Variants in PTPRN observed in about 807,000 individuals in gnomAD.
PTPRN encodes the protein receptor-type tyrosine-protein phosphatase-like N.
PTPRN carries 70 observed loss-of-function variants against 108.5 expected under a neutral mutation model. The observed-to-expected ratio is 0.65, with a 90% CI of 0.53 to 0.79. The LOEUF (loss-of-function observed/expected upper bound fraction) is 0.79. Among genes scored for constraint, PTPRN ranks in the 30% least tolerant of loss-of-function variants. The pLI, the probability that PTPRN is intolerant of heterozygous loss-of-function variation, is 0.00. For missense variants in PTPRN, 1,136 were observed against 1,295.5 expected (o/e 0.88, Z 1.89); for synonymous variants, 496 against 524.6 (o/e 0.95, Z 0.75).
intron 1 of PTPRN, chr2:219,309,016 C>A: frequency 6.5e-7 from 1 of 1,531,734 alleles, no homozygotes; most frequent in Non-Finnish European, 8.8e-7. Context: ...TTAGGTCCCG[C>A]CCCCGTATTC....
At position 219,290,998 on chromosome 2, in the gene PTPRN, A is replaced by G; in HGVS notation, c.2730-108T>C. Reference sequence around the variant, plus strand: ...CTGGGGGAGGGGAGGACACTGGGTGACCCGTTGGGGTTGGCTTGGAGAGGG... The same window carrying G: ...CTGGGGGAGGGGAGGACACTGGGTGGCCCGTTGGGGTTGGCTTGGAGAGGG... On this transcript the variant is annotated intron_variant, in intron 20 of 22. Transcript: ENST00000295718. This position sits in a 1 kb window ranked among gnomAD's most constrained non-coding sequence, Gnocchi z 4.2. 1.8e-6 allele frequency: 2 copies of G among 1,106,286 alleles called. No individual in the cohort carries two copies. The highest frequency in any genetic ancestry group is 2.7e-6 in the Non-Finnish European group (2 of 728,178). 68.5% of individuals were successfully genotyped at this position (1,106,286 alleles called of 1,614,324 possible).
At chr2:219,307,172 A>C (rs773352988) in intron 3 of PTPRN, 1 of 361,658 alleles carries the variant, frequency 2.8e-6, no homozygotes, top group Non-Finnish European at 5.0e-6. Flanking sequence ...GCTCTGTAGC[A>C]CTCAGACAAT....
chr2:219,298,564 G>A (rs2125093201), intron 12 of PTPRN, among the ~76,000 whole-genome samples: 1 of 152,248 alleles, frequency 6.6e-6, no homozygotes, highest in South Asian at 2.1e-4. Flanking sequence ...AAAAAATTTA[G>A]CCGGGTGTGG....
chr2:219,291,435 G>A (rs1267785520), intron 20 of PTPRN, 35 bp downstream of exon 20: 2 of 1,606,378 alleles, frequency 1.2e-6, no homozygotes, highest in African/African-American at 1.3e-5. Context: ...CACACAGGGA[G>A]TGGGACCAGA....
intron 18 of PTPRN, 81 bp from the exon 19 acceptor site, chr2:219,295,222 G>C (rs1351589812): frequency 4.6e-6 from 7 of 1,515,318 alleles, no homozygotes; most frequent in Non-Finnish European, 6.3e-6. Flanking sequence ...CGACCTTCTC[G>C]GTCTCTCCAA....
At position 219,297,834 on chromosome 2, in the gene PTPRN, T is replaced by A. The variant is rs1406501343; in HGVS notation, c.1887+51A>T. 6.5e-7 allele frequency: 1 copy of A among 1,538,898 alleles called. No homozygotes were observed. Among genetic ancestry groups the A allele is most frequent in the East Asian group, 2.4e-5 (1 of 41,478 alleles). On this transcript the variant is annotated intron_variant, in intron 13 of 22. Coordinates refer to ENST00000295718, the MANE Select transcript of PTPRN (RefSeq NM_002846.4). The surrounding 1 kb of genome is among the most constrained non-coding windows in gnomAD (Gnocchi z 6.0). The stretch of plus-strand genomic sequence containing the variant: ...CCCTTAGTCCACGCAAGACCCAGAC[T>A]CCCAGGCCCCTTGCATTTCCTTTGC...
chr2:219,301,996 C>G (rs1281783532), intron 6 of PTPRN, 141 bp downstream of exon 6: 2 of 886,784 alleles, frequency 2.3e-6, no homozygotes, highest in African/African-American at 1.7e-5. Context: ...TGGCATAGAA[C>G]AGCTTGTCAG....
chr2:219,290,647 G>A lies in PTPRN; in HGVS notation c.2795-36C>T, dbSNP rs1474799797. ...AGGTGGGGATGGGGCTGCTCAGGGG[G>A]TGTCCAGAGGAGGACAGGACCCAGA... On this transcript the variant is annotated intron_variant, in intron 21 of 22. Transcript: ENST00000295718. The surrounding 1 kb of genome is among the most constrained non-coding windows in gnomAD (Gnocchi z 4.2). 2 of 1,535,604 alleles carry A rather than the reference G, an allele frequency of 1.3e-6. No individual in the cohort carries two copies. The highest frequency in any genetic ancestry group is 4.9e-5 in the East Asian group (2 of 40,848).
chr2:219,309,246 C>G lies in PTPRN; in HGVS notation c.87G>C (p.Pro29=). The G allele has an allele frequency of 6.5e-7, 1 of 1,539,294 alleles. No individual in the cohort carries two copies. Among genetic ancestry groups the G allele is most frequent in the South Asian group, 1.2e-5 (1 of 84,042 alleles). ...GGGCACTAACGGCGCTGCAGCCCCC[C>G]GGGCGGCTGCTCAGCAGCAGGAGGC... ...LLCLLLLSSR[P]GGCSAVSAHG... is the part of the protein sequence containing the mutation. The change falls in exon 1 of 23, where the codon CCG becomes CCC. Residue 29 remains proline (P), a synonymous_variant. Coordinates refer to ENST00000295718, the MANE Select transcript of PTPRN (RefSeq NM_002846.4).
Position 219,291,539 on chromosome 2 carries a change from G to T in PTPRN, c.2676-16C>A. On this transcript the variant is annotated splice_polypyrimidine_tract_variant and intron_variant, in intron 19 of 22. Transcript: ENST00000295718. ...GTTCACCTTCCTGCAACAAGAAATGGGTGTGAGGGCCAGTGGGCACCAGCA... is the reference window on the plus strand; with the variant it reads ...GTTCACCTTCCTGCAACAAGAAATGTGTGTGAGGGCCAGTGGGCACCAGCA... 6.2e-7 allele frequency: 1 copy of T among 1,613,474 alleles called. No individual in the cohort carries two copies. Among genetic ancestry groups the T allele is most frequent in the South Asian group, 1.1e-5 (1 of 91,050 alleles).
rs560082696 is a variant in PTPRN, at chr2:219,302,223, C to T, written c.908G>A (p.Ser303Asn). 1.9e-6 allele frequency: 3 copies of T among 1,614,138 alleles called. No individual in the cohort carries two copies. The highest frequency in any genetic ancestry group is 2.7e-5 in the African/African-American group (2 of 75,048). ...VPRLPEQGSSSRAEDSPEGYE... is the reference protein window; with the variant it reads ...VPRLPEQGSSNRAEDSPEGYE... Reference sequence around the variant, plus strand: ...GCCCTCTGGGGAGTCCTCTGCCCGGCTGCTGCTCCCTTGCTCTGGCAGCCT... The same window carrying T: ...GCCCTCTGGGGAGTCCTCTGCCCGGTTGCTGCTCCCTTGCTCTGGCAGCCT... The change falls in exon 6 of 23, where the codon AGC (serine) becomes AAC (asparagine). Residue 303 changes from serine to asparagine, a missense_variant. Physicochemically the swap from Ser to Asn is conservative, Grantham distance 46. Coordinates refer to ENST00000295718, the MANE Select transcript of PTPRN (RefSeq NM_002846.4).
intron 3 of PTPRN, among the ~76,000 whole-genome samples, chr2:219,305,535 C>G (rs1952461936): frequency 1.3e-5 from 2 of 152,146 alleles, no homozygotes; most frequent in Admixed American, 1.3e-4. Context: ...GCCACTATAC[C>G]TGGCCTGGTC....
At chr2:219,294,452 G>A (rs1254063973) in intron 19 of PTPRN, among the ~76,000 whole-genome samples, 1 of 149,224 alleles carries the variant, frequency 6.7e-6, no homozygotes, top group South Asian at 2.1e-4. Context: ...GAAGAAAGAG[G>A]AAAGGAAAAA....
intron 18 of PTPRN, 108 bp from the exon 19 acceptor site, chr2:219,295,249 C>T (rs1217246050): frequency 8.0e-7 from 1 of 1,246,886 alleles, no homozygotes; most frequent in African/African-American, 1.6e-5. Context: ...CCCGGCCTCC[C>T]AGGCCGGTTC....
intron 1 of PTPRN, 90 bp from the exon 2 acceptor site, chr2:219,307,932 G>A (rs1354566629): frequency 6.2e-6 from 8 of 1,282,908 alleles, no homozygotes; most frequent in African/African-American, 6.0e-5. Context: ...AGAAGCAGAT[G>A]CAATTTATTC....
At position 219,290,336 on chromosome 2, in the gene PTPRN, T is replaced by A; in HGVS notation, c.2869-39A>T. On this transcript the variant is annotated intron_variant, in intron 22 of 22. Transcript: ENST00000295718. The surrounding 1 kb of genome is among the most constrained non-coding windows in gnomAD (Gnocchi z 4.2). ...GTGGTAGGATGGTCATGGAGAGGGCTGACCTGTGCTCTGCCCTCAAGATGG... is the reference window on the plus strand; with the variant it reads ...GTGGTAGGATGGTCATGGAGAGGGCAGACCTGTGCTCTGCCCTCAAGATGG... The A allele has an allele frequency of 6.6e-7, 1 of 1,523,244 alleles. No homozygotes were observed. The highest frequency in any genetic ancestry group is 9.1e-7 in the Non-Finnish European group (1 of 1,104,666). 94.4% of individuals were successfully genotyped at this position (1,523,244 alleles called of 1,614,324 possible).
At position 219,300,193 on chromosome 2, in the gene PTPRN, C is replaced by G; in HGVS notation, c.1228G>C (p.Gly410Arg). The change falls in exon 9 of 23, where the codon GGA becomes CGA. Residue 410 changes from glycine (G) to arginine (R), a missense_variant. Gly to Arg is a moderately radical substitution (Grantham distance 125). Transcript: ENST00000295718. The part of the protein sequence containing the change: ...ELPARTSPMP[G>R]HPTASPTSSE... ...GAGGTAGGGCTGGCAGTGGGGTGTCCAGGCATGGGGGATGTGCGGGCTGGA... is the reference window on the plus strand; with the variant it reads ...GAGGTAGGGCTGGCAGTGGGGTGTCGAGGCATGGGGGATGTGCGGGCTGGA... The G allele has an allele frequency of 6.2e-7, 1 of 1,610,824 alleles. No individual in the cohort carries two copies.
intron 8 of PTPRN, 149 bp downstream of exon 8, chr2:219,300,794 G>T: frequency 1.3e-6 from 1 of 791,272 alleles, no homozygotes. Context: ...GAGACCTTAG[G>T]CAATAACTTG....
chr2:219,308,969 C>T (rs1412139963), intron 1 of PTPRN: 1 of 1,495,464 alleles, frequency 6.7e-7, no homozygotes, highest in Admixed American at 2.0e-5. Flanking sequence ...CCGTGTCCTT[C>T]TCCCGAACCT....
Sources: allele counts gnomAD v4.1 joint callset (sites outside exome capture counted in the v4.1 genomes callset), GRCh38; gene constraint gnomAD v4.1.1; non-coding constraint Gnocchi (gnomAD v3.1); transcripts MANE v1.5; gene names NCBI Gene and HGNC (gene_info 2026-07-23, HGNC 2026-07-21).